Variants in UNC13C observed in about 807,000 individuals in gnomAD.
UNC13C encodes unc-13 homolog C.
Under a neutral mutation model 245.4 loss-of-function variants are expected in UNC13C, and 174 were observed. The ratio of observed to expected loss-of-function variants is 0.71; its 90% CI spans 0.63 to 0.80. UNC13C has a LOEUF of 0.80. Ranked by LOEUF, UNC13C falls within the 30% of genes least tolerant of loss-of-function variation. The probability of loss-of-function intolerance (pLI) is 0.00; values close to 1 mark genes in which losing one functional copy is unlikely to be tolerated. For missense variants in UNC13C, 2,829 were observed against 2,602.9 expected (o/e 1.09, Z -1.89); for synonymous variants, 992 against 895.1 (o/e 1.11, Z -1.93).
chr15:54,161,840 C>T (rs1033223731), intron 4 of UNC13C, among the ~76,000 whole-genome samples: 3 of 151,888 alleles, frequency 2.0e-5, no homozygotes, highest in Non-Finnish European at 2.9e-5. Flanking sequence ...CCCAGCTACT[C>T]GGGAGGCTGA....
At chr15:54,486,546 A>C (rs1023474970) in intron 19 of UNC13C, among the ~76,000 whole-genome samples, 3 of 152,140 alleles carry the variant, frequency 2.0e-5, no homozygotes, top group African/African-American at 4.8e-5. Flanking sequence ...TGAAATCCAC[A>C]TTTTAGTCCT....
chr15:54,099,392 A>C (rs935552571), intron 2 of UNC13C, among the ~76,000 whole-genome samples: 2 of 152,196 alleles, frequency 1.3e-5, no homozygotes, highest in Non-Finnish European at 2.9e-5. Flanking sequence ...AGCAAACCCC[A>C]GTAAGTGGTC....
intron 19 of UNC13C, among the ~76,000 whole-genome samples, chr15:54,481,819 T>C (rs1893134539): frequency 6.6e-6 from 1 of 152,104 alleles, no homozygotes; most frequent in South Asian, 2.1e-4. Flanking sequence ...ATGCCAGCAG[T>C]GGCAGGCAGG....
At chr15:54,507,007 T>C (rs1423231066) in intron 22 of UNC13C, 110 bp from the exon 23 acceptor site, 1 of 638,372 alleles carries the variant, frequency 1.6e-6, no homozygotes, top group African/African-American at 1.8e-5. Context: ...GAAAAAAATG[T>C]AGAACTAAGA....
intron 1 of UNC13C, among the ~76,000 whole-genome samples, chr15:54,012,423 C>T (rs957206058): frequency 5.3e-5 from 8 of 151,952 alleles, no homozygotes; most frequent in Non-Finnish European, 8.8e-5. Flanking sequence ...CAGTTGTGTC[C>T]ACCCATAAAT....
At chr15:54,581,809 G>T (rs1204492707) in intron 30 of UNC13C, among the ~76,000 whole-genome samples, 2 of 152,096 alleles carry the variant, frequency 1.3e-5, no homozygotes, top group Non-Finnish European at 2.9e-5. Flanking sequence ...CTTTTAATCA[G>T]CCTTTTTGGT....
intron 17 of UNC13C, among the ~76,000 whole-genome samples, chr15:54,374,792 G>A (rs962292117): frequency 6.6e-5 from 10 of 152,276 alleles, no homozygotes; most frequent in East Asian, 1.9e-4. Flanking sequence ...GCTGCGCCTC[G>A]CCGGCTGGCT....
chr15:54,189,829 T>C (rs1254480548), intron 4 of UNC13C, among the ~76,000 whole-genome samples: 1 of 152,152 alleles, frequency 6.6e-6, no homozygotes, highest in Non-Finnish European at 1.5e-5. Flanking sequence ...CGGCGGCATC[T>C]TGATTCTTTG....
intron 19 of UNC13C, among the ~76,000 whole-genome samples, chr15:54,436,678 G>C (rs1306397690): frequency 6.6e-6 from 1 of 151,860 alleles, no homozygotes; most frequent in Non-Finnish European, 1.5e-5. Context: ...TGGGGGTCAA[G>C]GGGAAGAAGA....
At chr15:54,118,592 T>A (rs1349771863) in intron 2 of UNC13C, among the ~76,000 whole-genome samples, 1 of 152,146 alleles carries the variant, frequency 6.6e-6, no homozygotes, top group Non-Finnish European at 1.5e-5. Flanking sequence ...CATCTGTGAA[T>A]AGGGATAATT....
intron 30 of UNC13C, among the ~76,000 whole-genome samples, chr15:54,587,597 A>G (rs1898562176): frequency 6.6e-6 from 1 of 152,184 alleles, no homozygotes; most frequent in Non-Finnish European, 1.5e-5. Flanking sequence ...CTTCTAATGT[A>G]TGGTCATTCT....
chr15:54,556,273 C>T (rs902902441), intron 29 of UNC13C, among the ~76,000 whole-genome samples: 1 of 152,074 alleles, frequency 6.6e-6, no homozygotes, highest in South Asian at 2.1e-4. Flanking sequence ...AGCATAGCTA[C>T]TAACTATACT....
chr15:54,544,447 G>C (rs993861053), intron 26 of UNC13C, among the ~76,000 whole-genome samples: 1 of 152,024 alleles, frequency 6.6e-6, no homozygotes, highest in African/African-American at 2.4e-5. Context: ...TTCTGGCCAG[G>C]GCAATGAGGC....
chr15:54,056,330 C>T (rs956321781), intron 2 of UNC13C, among the ~76,000 whole-genome samples: 13 of 152,016 alleles, frequency 8.6e-5, no homozygotes, highest in South Asian at 4.2e-4. Context: ...CCTCAGTAAC[C>T]GATGCGATCA....
At chr15:54,262,775 T>A (rs1394365732) in intron 8 of UNC13C, among the ~76,000 whole-genome samples, 12 of 152,136 alleles carry the variant, frequency 7.9e-5, no homozygotes, top group Non-Finnish European at 1.5e-5. Context: ...AATATTCATA[T>A]CTTTTAGCTT....
chr15:53,899,136 G>A, the UNC13C span, among the ~76,000 whole-genome samples: 4 of 152,104 alleles, frequency 2.6e-5, no homozygotes, highest in African/African-American at 9.7e-5. Flanking sequence ...AACACCATCA[G>A]TATTCTGTGC....
chr15:54,014,007 CT>C lies in UNC13C; in HGVS notation c.1105del (p.Cys369AlafsTer23). 1.2e-6 allele frequency: 2 copies of C among 1,613,828 alleles called. No individual in the cohort carries two copies. The highest frequency in any genetic ancestry group is 1.7e-6 in the Non-Finnish European group (2 of 1,179,842). Reference protein sequence around the residue: ...FAQRIGHQRDCPNAKPRPILV... With the variant: ...FAQRIGHQRDXPNAKPRPILV... Reference sequence around the variant, plus strand: ...CTCAGAGGATAGGACACCAGAGAGACTGCCCAAATGCAAAGCCTCGACCCAT... The same window carrying C: ...CTCAGAGGATAGGACACCAGAGAGACGCCCAAATGCAAAGCCTCGACCCAT... On this transcript the variant is annotated frameshift_variant, in exon 2 of 33. Transcript: ENST00000260323. LOFTEE classifies it high-confidence loss of function.
At chr15:53,980,250 C>G (rs1893873979) in intron 1 of UNC13C, among the ~76,000 whole-genome samples, 2 of 152,122 alleles carry the variant, frequency 1.3e-5, no homozygotes, top group South Asian at 4.2e-4. Flanking sequence ...ATGAGGAAAT[C>G]ATTTGTTTTA....
intron 2 of UNC13C, among the ~76,000 whole-genome samples, chr15:54,117,860 C>T (rs1430043664): frequency 1.3e-5 from 2 of 152,204 alleles, no homozygotes; most frequent in African/African-American, 4.8e-5. Context: ...AGGTTACAAA[C>T]ATGTACTACC....
Sources: gnomAD v4.1 joint callset for allele counts (sites outside exome capture counted in the v4.1 genomes callset) on GRCh38, gnomAD v4.1.1 for gene constraint, MANE v1.5 for transcripts, NCBI Gene and HGNC (gene_info 2026-07-23, HGNC 2026-07-21) for gene names.